RIT2: variants seen among roughly 807,000 people sequenced by gnomAD.
RIT2 encodes Ras like without CAAX 2.
Under a neutral mutation model 23.7 loss-of-function variants are expected in RIT2, and 24 were observed. The observed-to-expected ratio is 1.01, with a 90% CI of 0.73 to 1.43. The LOEUF is 1.43. Among genes scored for constraint, RIT2 ranks in the 40% most tolerant of loss-of-function variants. The pLI, the probability that RIT2 is intolerant of heterozygous loss-of-function variation, is 0.00. For synonymous variants in RIT2, 107 were observed against 91.1 expected, an observed-to-expected ratio of 1.17 and a Z score of -0.99; for missense variants, 236 against 266.9, an observed-to-expected ratio of 0.88 and a Z score of 0.81.
chr18:42,967,660 G>C (rs112754263), intron 3 of RIT2, among the ~76,000 whole-genome samples: 1 of 149,338 alleles, frequency 6.7e-6, no homozygotes, highest in Non-Finnish European at 1.5e-5. Context: ...CAAAGTACTG[G>C]GATTACAGGC....
rs185059407 is a variant in RIT2, at chr18:42,898,174, G to A, written c.426+25398C>T. 5.7e-3 allele frequency among the ~76,000 whole-genome samples: 869 copies of A among 152,244 alleles called. 2 individuals are homozygous for A. The highest frequency in any genetic ancestry group is 0.027 in the Middle Eastern group (8 of 294). The stretch of plus-strand genomic sequence containing the variant: ...CCCAGCACTTTGGGAGGGTGAGGCA[G>A]GCAGATCACATGAGGCCAGGAGTTC... On this transcript the variant is annotated intron_variant, in intron 4 of 4. Coordinates refer to ENST00000326695, the MANE Select transcript of RIT2 (RefSeq NM_002930.4).
In RIT2 at chr18:42,950,234, G is replaced by T. The variant is rs141504527; in HGVS notation, c.234+23840C>A. 2.3e-3 allele frequency among the ~76,000 whole-genome samples: 354 copies of T among 152,092 alleles called. 3 individuals are homozygous for T. The highest frequency in any genetic ancestry group is 8.0e-3 in the African/African-American group (334 of 41,538). Reference sequence around the variant, plus strand: ...ATAGACAAATGGAACAGGATAGAGAGCCCGGAAATAAAGCTGCACACCTAC... The same window carrying T: ...ATAGACAAATGGAACAGGATAGAGATCCCGGAAATAAAGCTGCACACCTAC... On this transcript the variant is annotated intron_variant, in intron 3 of 4. Transcript: ENST00000326695.
intron 4 of RIT2, among the ~76,000 whole-genome samples, chr18:42,802,505 G>A (rs989389310): frequency 3.2e-4 from 48 of 152,084 alleles, no homozygotes; most frequent in African/African-American, 1.1e-3. Flanking sequence ...TGATATGGAA[G>A]ACCAATGAGC....
intron 4 of RIT2, among the ~76,000 whole-genome samples, chr18:42,905,251 TAATA>T (rs1424822468): frequency 1.3e-5 from 2 of 152,180 alleles, no homozygotes; most frequent in Non-Finnish European, 2.9e-5. Flanking sequence ...TATGGTCGTT[TAATA>T]AATAAATTAG....
At chr18:42,748,530 G>A (rs766069448) in intron 4 of RIT2, among the ~76,000 whole-genome samples, 2 of 152,134 alleles carry the variant, frequency 1.3e-5, no homozygotes, top group African/African-American at 4.8e-5. Context: ...AAACAGTGTG[G>A]AGATTCTGTA....
chr18:42,782,525 A>C (rs1008688652), intron 4 of RIT2, among the ~76,000 whole-genome samples: 1 of 152,160 alleles, frequency 6.6e-6, no homozygotes, highest in Non-Finnish European at 1.5e-5. Flanking sequence ...ATATATAGAT[A>C]AGTAGGTGGA....
intron 4 of RIT2, among the ~76,000 whole-genome samples, chr18:42,866,556 T>C (rs1197797525): frequency 6.6e-6 from 1 of 151,990 alleles, no homozygotes; most frequent in Non-Finnish European, 1.5e-5. Flanking sequence ...TTATTTTCCA[T>C]GTGCTAGGTC....
intron 1 of RIT2, among the ~76,000 whole-genome samples, chr18:43,095,350 C>T (rs146528202): frequency 3.6e-4 from 54 of 151,820 alleles, no homozygotes; most frequent in Non-Finnish European, 6.9e-4. Context: ...GTTGGCTGCA[C>T]GAATGTCTTC....
chr18:42,765,427 C>A (rs1156982742), intron 4 of RIT2, among the ~76,000 whole-genome samples: 1 of 152,184 alleles, frequency 6.6e-6, no homozygotes, highest in Non-Finnish European at 1.5e-5. Flanking sequence ...CATTAAAATT[C>A]TGTTTGTGGC....
chr18:42,878,480 C>CT (rs1424423092), intron 4 of RIT2, among the ~76,000 whole-genome samples: 1 of 151,674 alleles, frequency 6.6e-6, no homozygotes, highest in Non-Finnish European at 1.5e-5. Flanking sequence ...GCTGGTCTTA[C>CT]TATCTCAGGG....
chr18:43,028,694 C>T (rs551601859), intron 2 of RIT2, among the ~76,000 whole-genome samples: 1 of 152,006 alleles, frequency 6.6e-6, no homozygotes, highest in Non-Finnish European at 1.5e-5. Flanking sequence ...AGTATCTGTT[C>T]AGTGTTTCCC....
At chr18:42,827,024 G>C (rs1254080697) in intron 4 of RIT2, among the ~76,000 whole-genome samples, 1 of 152,014 alleles carries the variant, frequency 6.6e-6, no homozygotes, top group African/African-American at 2.4e-5. Flanking sequence ...AAATTCATAT[G>C]GAAAAGTCCA....
chr18:42,824,749 T>TTGTGTG (rs1444455401), intron 4 of RIT2, among the ~76,000 whole-genome samples: 1 of 145,636 alleles, frequency 6.9e-6, no homozygotes, highest in Non-Finnish European at 1.5e-5. Context: ...TGTAGGGGCT[T>TTGTGTG]TGTGTGTATG....
At chr18:42,977,374 C>T (rs1040384727) in intron 2 of RIT2, among the ~76,000 whole-genome samples, 1 of 151,968 alleles carries the variant, frequency 6.6e-6, no homozygotes, top group African/African-American at 2.4e-5. Flanking sequence ...ATATTATAAG[C>T]AAAAAGCAAA....
chr18:43,090,624 C>T (rs868711199), intron 1 of RIT2, among the ~76,000 whole-genome samples: 12 of 151,962 alleles, frequency 7.9e-5, no homozygotes, highest in African/African-American at 2.7e-4. Flanking sequence ...TCTAAATGTC[C>T]AATAACGGTA....
rs186739402 is a variant in RIT2 at position 42,894,902 on chromosome 18, T to C, written c.426+28670A>G. On this transcript the variant is annotated intron_variant, in intron 4 of 4. Coordinates refer to ENST00000326695, the MANE Select transcript of RIT2 (RefSeq NM_002930.4). Reference sequence around the variant, plus strand: ...AAGTAGTTTTAGTAGAGGGATTAAATGCCTTTGGGCTTTGCCCCTCCAGGT... The same window carrying C: ...AAGTAGTTTTAGTAGAGGGATTAAACGCCTTTGGGCTTTGCCCCTCCAGGT... Among the ~76,000 whole-genome samples the C allele has an allele frequency of 3.3e-5, 5 of 152,336 alleles. No homozygotes were observed. In the East Asian group the frequency reaches 9.7e-4, roughly 29 times the overall value.
At chr18:42,761,897 CA>C in intron 4 of RIT2, among the ~76,000 whole-genome samples, 1 of 152,126 alleles carries the variant, frequency 6.6e-6, no homozygotes, top group Non-Finnish European at 1.5e-5. Flanking sequence ...CCTAATTCAG[CA>C]AAAGTACCAG....
chr18:42,745,329 TTTGTAATCAGGGCA>T (rs1912892101), intron 4 of RIT2, among the ~76,000 whole-genome samples: 1 of 152,170 alleles, frequency 6.6e-6, no homozygotes, highest in African/African-American at 2.4e-5. Flanking sequence ...TTTGCAATTG[TTTGTAATCAGGGCA>T]GAAACCAACT....
chr18:42,834,091 G>A (rs1906534068), intron 4 of RIT2, among the ~76,000 whole-genome samples: 1 of 152,206 alleles, frequency 6.6e-6, no homozygotes, highest in African/African-American at 2.4e-5. Flanking sequence ...GATGTGGAGT[G>A]GACTCCATCA....
Sources: allele counts gnomAD v4.1 joint callset (sites outside exome capture counted in the v4.1 genomes callset), GRCh38; gene constraint gnomAD v4.1.1; transcripts MANE v1.5; gene names NCBI Gene and HGNC (gene_info 2026-07-23, HGNC 2026-07-21).